SAMD4A: variants seen among roughly 807,000 people sequenced by gnomAD.
SAMD4A encodes the protein sterile alpha motif domain containing 4A.
In SAMD4A, 33 loss-of-function variants were observed where a neutral mutation model predicts 81.3. The ratio of observed to expected loss-of-function variants is 0.41; its 90% confidence interval spans 0.31 to 0.54. The LOEUF (loss-of-function observed/expected upper bound fraction) is 0.54, where lower values mean the gene tolerates loss of function less well. SAMD4A is among the 20% of genes least tolerant of loss of function. The probability of loss-of-function intolerance (pLI) is 0.37; values close to 1 mark genes in which losing one functional copy is unlikely to be tolerated. For missense variants in SAMD4A, 854 were observed against 951.1 expected (o/e 0.90, Z 1.34); for synonymous variants, 389 against 382.1 (o/e 1.02, Z -0.21).
chr14:54,706,448 T>A (rs2036859532), intron 3 of SAMD4A, among the ~76,000 whole-genome samples: 1 of 151,250 alleles, frequency 6.6e-6, no homozygotes, highest in Non-Finnish European at 1.5e-5. Context: ...CTACTAAACA[T>A]ACAAAAACTA....
chr14:54,578,636 G>A (rs1295276175), intron 2 of SAMD4A, among the ~76,000 whole-genome samples: 7 of 151,968 alleles, frequency 4.6e-5, no homozygotes, highest in South Asian at 2.1e-4. Context: ...TGCTTGAACC[G>A]AGGAGGCGGA....
At chr14:54,706,380 A>G (rs1176902085) in intron 3 of SAMD4A, among the ~76,000 whole-genome samples, 1 of 151,560 alleles carries the variant, frequency 6.6e-6, no homozygotes, top group Non-Finnish European at 1.5e-5. Flanking sequence ...CAAGGTGGGC[A>G]GATCACTTGA....
intron 10 of SAMD4A, among the ~76,000 whole-genome samples, chr14:54,775,530 G>A (rs547128044): frequency 6.6e-6 from 1 of 152,300 alleles, no homozygotes; most frequent in South Asian, 2.1e-4. Flanking sequence ...TCCCAGCTCT[G>A]GTGGAGCATC....
At chr14:54,737,541 T>TA (rs2037728323) in intron 4 of SAMD4A, among the ~76,000 whole-genome samples, 1 of 133,842 alleles carries the variant, frequency 7.5e-6, no homozygotes, top group African/African-American at 3.0e-5. Flanking sequence ...TCTCTCTCTC[T>TA]CTTTTTTTTT....
intron 7 of SAMD4A, among the ~76,000 whole-genome samples, chr14:54,761,952 G>A (rs2038409791): frequency 6.6e-6 from 1 of 152,112 alleles, no homozygotes; most frequent in African/African-American, 2.4e-5. Context: ...ACTTTTAATA[G>A]CTACTCAATA....
At chr14:54,748,955 G>T (rs2038032079) in intron 5 of SAMD4A, 31 bp downstream of exon 5, 16 of 1,485,044 alleles carry the variant, frequency 1.1e-5, no homozygotes, top group Non-Finnish European at 1.4e-5. Context: ...TTCCCTGAGA[G>T]GGTGCCCCAG....
In SAMD4A at chr14:54,581,499, C is replaced by T. The variant is rs574019527; in HGVS notation, c.196+13387C>T. Among the ~76,000 whole-genome samples, 3 of 152,310 alleles carry T rather than the reference C, an allele frequency of 2.0e-5. No homozygotes were observed. The South Asian group carries it at 6.2e-4, about 32-fold the overall frequency. ...TTTCCACAGGCTGGACTGTCTATAA[C>T]GTCAAAGTTAAGTTTGTATTCACTT... is the stretch of plus-strand genomic sequence containing the variant. On this transcript the variant is annotated intron_variant, in intron 2 of 12. Transcript: ENST00000554335.
chr14:54,721,457 T>C (rs2037260459), intron 3 of SAMD4A, among the ~76,000 whole-genome samples: 1 of 152,214 alleles, frequency 6.6e-6, no homozygotes, highest in Non-Finnish European at 1.5e-5. Flanking sequence ...CTCTCTTAAA[T>C]AGAAATCTTT....
chr14:54,601,699 C>T (rs1456441182), intron 2 of SAMD4A, among the ~76,000 whole-genome samples: 2 of 152,174 alleles, frequency 1.3e-5, no homozygotes, highest in Admixed American at 6.5e-5. Context: ...CAGGGCCTCC[C>T]GTGGAGGCTC....
chr14:54,634,661 G>C (rs879576328), intron 2 of SAMD4A, among the ~76,000 whole-genome samples: 2 of 152,102 alleles, frequency 1.3e-5, no homozygotes, highest in Non-Finnish European at 2.9e-5. Context: ...TTCCTAACAG[G>C]CTGTGGACCA....
At chr14:54,697,577 G>A (rs895066217) in intron 2 of SAMD4A, among the ~76,000 whole-genome samples, 32 of 152,154 alleles carry the variant, frequency 2.1e-4, no homozygotes, top group Non-Finnish European at 5.9e-5. Context: ...TAGTGGCAAC[G>A]GGAACTTCAT....
At chr14:54,788,632 T>C (rs2039200274) in intron 12 of SAMD4A, among the ~76,000 whole-genome samples, 1 of 152,218 alleles carries the variant, frequency 6.6e-6, no homozygotes, top group South Asian at 2.1e-4. Context: ...CATATAGCAT[T>C]ATTGTCTGTC....
chr14:54,776,195 T>C (rs1165072285), intron 10 of SAMD4A, among the ~76,000 whole-genome samples: 3 of 151,936 alleles, frequency 2.0e-5, no homozygotes, highest in Non-Finnish European at 4.4e-5. Flanking sequence ...AGCTGAGGCT[T>C]ACAGCAAGGC....
chr14:54,574,527 G>A (rs2033230059), intron 2 of SAMD4A, among the ~76,000 whole-genome samples: 1 of 152,172 alleles, frequency 6.6e-6, no homozygotes, highest in African/African-American at 2.4e-5. Flanking sequence ...GGTAGAGAGA[G>A]GAGAGCATGA....
chr14:54,675,715 C>T (rs1254003676), intron 2 of SAMD4A, among the ~76,000 whole-genome samples: 7 of 152,238 alleles, frequency 4.6e-5, no homozygotes, highest in East Asian at 1.9e-4. Flanking sequence ...AATACCAACA[C>T]AGTATGTGCT....
At chr14:54,603,034 G>A (rs539047019) in intron 2 of SAMD4A, among the ~76,000 whole-genome samples, 1 of 152,294 alleles carries the variant, frequency 6.6e-6, no homozygotes, top group South Asian at 2.1e-4. Context: ...AGGAACACTG[G>A]TGTAGGTTTC....
chr14:54,655,540 C>T (rs898186494), intron 2 of SAMD4A, among the ~76,000 whole-genome samples: 37 of 151,230 alleles, frequency 2.4e-4, no homozygotes, highest in African/African-American at 8.5e-4. Context: ...GAGACCAGCC[C>T]GACCAACATG....
rs533426623 is a variant in SAMD4A at position 54,662,172 on chromosome 14, A to G, written c.197-39890A>G. Among the ~76,000 whole-genome samples, 8 of 152,304 alleles carry G rather than the reference A, an allele frequency of 5.3e-5. No individual in the cohort carries two copies. The East Asian group carries it at 1.4e-3, about 26-fold the overall frequency. ...GAAGGGGTTTTGATCGCTTAGTTAC[A>G]GATGGAAAACTCCAGCATAGTTAAG... On this transcript the variant is annotated intron_variant, in intron 2 of 12. Transcript: ENST00000554335.
At chr14:54,724,036 G>GGAAGGAAGGAAGGAAGGAA (rs2037347779) in intron 3 of SAMD4A, among the ~76,000 whole-genome samples, 1 of 151,318 alleles carries the variant, frequency 6.6e-6, no homozygotes, top group Non-Finnish European at 1.5e-5. Flanking sequence ...AAGGAAGGAA[G>GGAAGGAAGGAAGGAAGGAA]GAAGGAAGGA....
Sources: gnomAD v4.1 joint callset for allele counts (sites outside exome capture counted in the v4.1 genomes callset) on GRCh38, gnomAD v4.1.1 for gene constraint, MANE v1.5 for transcripts, NCBI Gene and HGNC (gene_info 2026-07-23, HGNC 2026-07-21) for gene names.